ANO4: variants seen among roughly 807,000 people sequenced by gnomAD.
ANO4 encodes anoctamin 4.
A neutral mutation model predicts 141.9 loss-of-function variants in ANO4; 69 were observed. The observed-to-expected ratio is 0.49, with a 90% CI of 0.40 to 0.59. ANO4 has a LOEUF of 0.59. Ranked by LOEUF, ANO4 falls within the 20% of genes least tolerant of loss-of-function variation. The pLI is 0.00. For synonymous variants in ANO4, 350 were observed against 394.3 expected, an observed-to-expected ratio of 0.89 and a Z score of 1.33; for missense variants, 894 against 1,162.2, an observed-to-expected ratio of 0.77 and a Z score of 3.36.
chr12:100,957,984 A>T (rs1428966468), intron 5 of ANO4, among the ~76,000 whole-genome samples: 1 of 152,232 alleles, frequency 6.6e-6, no homozygotes, highest in Non-Finnish European at 1.5e-5. Flanking sequence ...ACAGAATTAC[A>T]GGCATGAGCC....
intron 1 of ANO4, among the ~76,000 whole-genome samples, chr12:100,860,727 GGAACTTC>G (rs1565944532): frequency 1.8e-4 from 28 of 152,066 alleles, no homozygotes; most frequent in Non-Finnish European, 1.5e-4. Context: ...CAGCTTTCCT[GGAACTTC>G]TATTTCATTG....
intron 5 of ANO4, among the ~76,000 whole-genome samples, chr12:100,961,404 A>T (rs57929836): frequency 2.0e-5 from 3 of 152,078 alleles, no homozygotes; most frequent in African/African-American, 7.2e-5. Context: ...CTGGGCACAG[A>T]AGTGTTATGT....
intron 3 of ANO4, among the ~76,000 whole-genome samples, chr12:100,938,898 C>T (rs2042392877): frequency 1.3e-5 from 2 of 152,156 alleles, no homozygotes; most frequent in Non-Finnish European, 2.9e-5. Context: ...TATGGGTTCA[C>T]TTGGCAAGCT....
At chr12:100,771,253 G>A (rs2033284990) in intron 3 of ANO4, among the ~76,000 whole-genome samples, 1 of 152,122 alleles carries the variant, frequency 6.6e-6, no homozygotes, top group African/African-American at 2.4e-5. Context: ...TCAGATCAGT[G>A]GGTGGACAGG....
intron 1 of ANO4, among the ~76,000 whole-genome samples, chr12:100,865,561 A>G (rs560027242): frequency 6.6e-6 from 1 of 152,340 alleles, no homozygotes; most frequent in African/African-American, 2.4e-5. Flanking sequence ...AAAAAAGCTC[A>G]TCATCACTGG....
chr12:100,880,419 A>T (rs2039510345), intron 1 of ANO4, among the ~76,000 whole-genome samples: 1 of 152,184 alleles, frequency 6.6e-6, no homozygotes, highest in Admixed American at 6.5e-5. Flanking sequence ...AGATGAGGAG[A>T]TTGAAGCGTA....
chr12:101,112,999 A>C (rs1410826840), intron 24 of ANO4, among the ~76,000 whole-genome samples: 3 of 152,126 alleles, frequency 2.0e-5, no homozygotes, highest in African/African-American at 4.8e-5. Flanking sequence ...GCTTACTTTC[A>C]CTCAAACCAC....
At chr12:100,982,131 T>C (rs184621355) in intron 7 of ANO4, among the ~76,000 whole-genome samples, 6 of 152,368 alleles carry the variant, frequency 3.9e-5, no homozygotes, top group African/African-American at 1.2e-4. Context: ...AGATATTAAC[T>C]TGACAAGTTA....
intron 1 of ANO4, among the ~76,000 whole-genome samples, chr12:100,830,176 T>C (rs1565914818): frequency 6.6e-6 from 1 of 152,108 alleles, no homozygotes; most frequent in Admixed American, 6.6e-5. Context: ...TGGTTTCTCA[T>C]TGCCACATTT....
At chr12:100,932,999 A>G (rs575730959) in intron 3 of ANO4, among the ~76,000 whole-genome samples, 2 of 152,066 alleles carry the variant, frequency 1.3e-5, no homozygotes, top group African/African-American at 2.4e-5. Flanking sequence ...ACCCTGACCA[A>G]TCTGTGCTGC....
At chr12:101,032,037 C>G (rs1221314987) in intron 9 of ANO4, among the ~76,000 whole-genome samples, 1 of 152,150 alleles carries the variant, frequency 6.6e-6, no homozygotes, top group African/African-American at 2.4e-5. Flanking sequence ...AATGCTATTC[C>G]CATCAAACTA....
At chr12:100,857,433 G>A (rs1017352442) in intron 1 of ANO4, among the ~76,000 whole-genome samples, 7 of 152,096 alleles carry the variant, frequency 4.6e-5, no homozygotes, top group Middle Eastern at 3.4e-3. Flanking sequence ...CTTTACATTC[G>A]TGATCTGACT....
intron 8 of ANO4, among the ~76,000 whole-genome samples, chr12:100,988,126 T>C (rs1189116472): frequency 3.9e-5 from 6 of 152,170 alleles, no homozygotes; most frequent in African/African-American, 1.4e-4. Context: ...TCTTCAGCAG[T>C]TCACTGGGTT....
intron 5 of ANO4, among the ~76,000 whole-genome samples, chr12:100,962,763 C>T (rs2043481894): frequency 6.6e-6 from 1 of 152,188 alleles, no homozygotes; most frequent in South Asian, 2.1e-4. Flanking sequence ...AGGAGAATCT[C>T]TCTGACCTCT....
At chr12:101,074,339 C>T (rs965644319) in intron 14 of ANO4, among the ~76,000 whole-genome samples, 5 of 152,180 alleles carry the variant, frequency 3.3e-5, no homozygotes, top group Non-Finnish European at 7.4e-5. Context: ...ATCACTTTCA[C>T]GGTCTCACTG....
rs147476649 is a variant in ANO4, at chr12:101,111,645, T to C, written c.2385T>C (p.Phe795=). ...TTGTCATAGCGATAACATCTGACTT[T>C]ATCCCTCGCTTGGTGTATGCTTATA... is the stretch of plus-strand genomic sequence containing the variant. ...NAFVIAITSD[F]IPRLVYAYKY... Residue 795 remains phenylalanine (F), a synonymous_variant, in exon 24 of 28, where the codon TTT becomes TTC. Coordinates refer to ENST00000392977, the MANE Select transcript of ANO4 (RefSeq NM_001286615.2). The C allele has an allele frequency of 4.3e-6, 7 of 1,613,376 alleles. No homozygotes were observed. Among genetic ancestry groups the C allele is most frequent in the Admixed American group, 1.7e-5 (1 of 59,918 alleles).
intron 3 of ANO4, among the ~76,000 whole-genome samples, chr12:100,744,607 A>T (rs1325407816): frequency 1.3e-5 from 2 of 152,206 alleles, no homozygotes; most frequent in Non-Finnish European, 2.9e-5. Context: ...GGAGAGACAC[A>T]AACATTCAAT....
At chr12:100,999,135 G>A (rs541902186) in intron 8 of ANO4, among the ~76,000 whole-genome samples, 14 of 152,304 alleles carry the variant, frequency 9.2e-5, no homozygotes, top group African/African-American at 2.9e-4. Flanking sequence ...TGACTTAACT[G>A]TTTAAAACAA....
intron 1 of ANO4, among the ~76,000 whole-genome samples, chr12:100,719,693 A>G (rs2030773727): frequency 6.6e-6 from 1 of 152,218 alleles, no homozygotes; most frequent in East Asian, 1.9e-4. Flanking sequence ...TTTTAGGTTC[A>G]CAAGATGAGA....
Sources: gnomAD v4.1 joint callset for allele counts (sites outside exome capture counted in the v4.1 genomes callset) on GRCh38, gnomAD v4.1.1 for gene constraint, MANE v1.5 for transcripts, NCBI Gene and HGNC (gene_info 2026-07-23, HGNC 2026-07-21) for gene names.